Variants in CFAP299 observed in about 807,000 individuals in gnomAD.
CFAP299 encodes cilia and flagella associated protein 299.
CFAP299 carries 21 observed loss-of-function variants against 27.0 expected under a neutral mutation model. The observed-to-expected ratio is 0.78, with a 90% CI of 0.55 to 1.12. The LOEUF (loss-of-function observed/expected upper bound fraction) is 1.12, where lower values mean the gene tolerates loss of function less well. Ranked by LOEUF, CFAP299 falls within the 50% of genes most tolerant of loss-of-function variation. The probability of loss-of-function intolerance (pLI) is 0.00; values close to 1 mark genes in which losing one functional copy is unlikely to be tolerated. For missense variants in CFAP299, 310 were observed against 276.6 expected, an observed-to-expected ratio of 1.12 and a Z score of -0.86; for synonymous variants, 104 against 98.1, an observed-to-expected ratio of 1.06 and a Z score of -0.36.
At chr4:80,574,493 T>A (rs916805689) in intron 2 of CFAP299, among the ~76,000 whole-genome samples, 6 of 152,166 alleles carry the variant, frequency 3.9e-5, no homozygotes, top group Admixed American at 2.0e-4. Context: ...CTTCCAGTAC[T>A]ATGTGGAGTA....
At chr4:80,529,116 C>A (rs984975776) in intron 2 of CFAP299, among the ~76,000 whole-genome samples, 4 of 152,150 alleles carry the variant, frequency 2.6e-5, no homozygotes, top group African/African-American at 4.8e-5. Context: ...GACTACTAGA[C>A]CTTCTGTGAT....
At chr4:80,688,028 CG>C (rs1720341583) in intron 3 of CFAP299, among the ~76,000 whole-genome samples, 1 of 152,226 alleles carries the variant, frequency 6.6e-6, no homozygotes, top group Non-Finnish European at 1.5e-5. Context: ...GCACCTGGCT[CG>C]GAGGGTCCTA....
chr4:80,386,598 G>A lies in CFAP299; in HGVS notation c.242+23714G>A. On this transcript the variant is annotated intron_variant, in intron 2 of 5. Transcript: ENST00000358105. ...CGGTGATCTTTGAGGTATTTGTGGC[G>A]GAAAAAGCCCTTGGCACAGCCAGCA... The A allele has an allele frequency of 3.1e-6, 5 of 1,598,090 alleles. No individual in the cohort carries two copies. The Admixed American group carries it at 5.0e-5, about 16-fold the overall frequency.
intron 2 of CFAP299, among the ~76,000 whole-genome samples, chr4:80,578,217 T>C (rs752545567): frequency 9.2e-5 from 14 of 152,210 alleles, no homozygotes; most frequent in Non-Finnish European, 1.8e-4. Context: ...GCTTTTGTAA[T>C]ATTTATTTAA....
chr4:80,449,277 C>T (rs1211612313), intron 2 of CFAP299, among the ~76,000 whole-genome samples: 1 of 151,504 alleles, frequency 6.6e-6, no homozygotes, highest in Non-Finnish European at 1.5e-5. Flanking sequence ...AACTAAAAAT[C>T]TTAAGTTTTT....
intron 3 of CFAP299, among the ~76,000 whole-genome samples, chr4:80,766,564 G>A (rs905553438): frequency 2.6e-5 from 4 of 152,102 alleles, no homozygotes; most frequent in African/African-American, 9.7e-5. Context: ...AGACTGGAGA[G>A]GAATATTATT....
intron 1 of CFAP299, among the ~76,000 whole-genome samples, chr4:80,346,632 A>T (rs1722742257): frequency 6.6e-6 from 1 of 151,088 alleles, no homozygotes. Context: ...CCCTTGGTCT[A>T]TATCTCTGTT....
At chr4:80,934,368 A>G (rs2110221406) in intron 4 of CFAP299, among the ~76,000 whole-genome samples, 1 of 152,176 alleles carries the variant, frequency 6.6e-6, no homozygotes, top group Admixed American at 6.5e-5. Flanking sequence ...ATTGGTCTAT[A>G]ATTGTCTCTG....
chr4:80,640,910 A>G (rs1370498926), intron 3 of CFAP299, among the ~76,000 whole-genome samples: 1 of 152,214 alleles, frequency 6.6e-6, no homozygotes, highest in Non-Finnish European at 1.5e-5. Flanking sequence ...TTTACATTTC[A>G]GTGTACGTGT....
At position 80,912,907 on chromosome 4, in the gene CFAP299, G is replaced by A. The variant is rs149212720; in HGVS notation, c.477-31903G>A. On this transcript the variant is annotated intron_variant, in intron 4 of 5. Transcript: ENST00000358105. Reference sequence around the variant, plus strand: ...TTGTGGACCTCAAAAACAGGAGTGCGGAATAGAGGGGAAGCCAACACTCTA... The same window carrying A: ...TTGTGGACCTCAAAAACAGGAGTGCAGAATAGAGGGGAAGCCAACACTCTA... 3.9e-3 allele frequency among the ~76,000 whole-genome samples: 594 copies of A among 152,174 alleles called. 8 individuals carry two copies. The highest frequency in any genetic ancestry group is 0.013 in the African/African-American group (556 of 41,510).
At chr4:80,933,097 C>T (rs1736703561) in intron 4 of CFAP299, among the ~76,000 whole-genome samples, 1 of 151,970 alleles carries the variant, frequency 6.6e-6, no homozygotes. Flanking sequence ...TATCCATCAC[C>T]TCACACTGTT....
intron 3 of CFAP299, among the ~76,000 whole-genome samples, chr4:80,742,477 G>A (rs914009628): frequency 3.9e-5 from 6 of 152,210 alleles, no homozygotes; most frequent in African/African-American, 1.4e-4. Flanking sequence ...TGCCCTCACA[G>A]AGGTTATATT....
At chr4:80,903,472 C>A (rs1320342397) in intron 4 of CFAP299, among the ~76,000 whole-genome samples, 3 of 151,886 alleles carry the variant, frequency 2.0e-5, no homozygotes, top group Non-Finnish European at 2.9e-5. Context: ...ATAAAGACAA[C>A]CTCTATTGAA....
intron 3 of CFAP299, among the ~76,000 whole-genome samples, chr4:80,664,782 A>T (rs1383406003): frequency 2.0e-5 from 3 of 152,056 alleles, no homozygotes; most frequent in Non-Finnish European, 2.9e-5. Context: ...GGTATGAAAA[A>T]AAACTCCTGC....
At chr4:80,650,926 G>A (rs889623883) in intron 3 of CFAP299, among the ~76,000 whole-genome samples, 1 of 151,914 alleles carries the variant, frequency 6.6e-6, no homozygotes, top group Non-Finnish European at 1.5e-5. Flanking sequence ...CTGCTCGGGT[G>A]ATGAGTGCAC....
At chr4:80,537,088 A>G (rs1733781528) in intron 2 of CFAP299, among the ~76,000 whole-genome samples, 2 of 152,204 alleles carry the variant, frequency 1.3e-5, no homozygotes, top group Admixed American at 1.3e-4. Context: ...CAACAGGAAT[A>G]AAAATGCTCA....
At chr4:80,529,809 G>A (rs1177964670) in intron 2 of CFAP299, among the ~76,000 whole-genome samples, 1 of 151,754 alleles carries the variant, frequency 6.6e-6, no homozygotes, top group African/African-American at 2.4e-5. Context: ...GAGGAATACA[G>A]CATATTCTCT....
intron 3 of CFAP299, among the ~76,000 whole-genome samples, chr4:80,660,495 G>A (rs1740788654): frequency 6.6e-6 from 1 of 152,158 alleles, no homozygotes; most frequent in African/African-American, 2.4e-5. Context: ...CTTTAAAAAT[G>A]TTACAAGACA....
At chr4:80,817,215 G>A (rs181601501) in intron 3 of CFAP299, among the ~76,000 whole-genome samples, 2 of 152,078 alleles carry the variant, frequency 1.3e-5, no homozygotes, top group East Asian at 3.9e-4. Context: ...GGCCCCTAGA[G>A]GATTAGTTGA....
Sources: gnomAD v4.1 joint callset for allele counts (sites outside exome capture counted in the v4.1 genomes callset) on GRCh38, gnomAD v4.1.1 for gene constraint, MANE v1.5 for transcripts, NCBI Gene and HGNC (gene_info 2026-07-23, HGNC 2026-07-21) for gene names.